The following STK3 variants were observed in gnomAD, a reference collection of about 807,000 sequenced individuals.
The protein encoded by STK3 is serine/threonine-protein kinase 3.
STK3 carries 41 observed loss-of-function variants against 58.0 expected under a neutral mutation model. That is an observed-to-expected ratio of 0.71 (90% CI 0.55 to 0.92). The LOEUF (loss-of-function observed/expected upper bound fraction) is 0.92. STK3 is among the 40% of genes least tolerant of loss of function. The pLI is 0.00. For synonymous variants in STK3, 170 were observed against 191.0 expected (o/e 0.89, Z 0.91); for missense variants, 479 against 602.7 (o/e 0.79, Z 2.15).
chr8:98,940,661 C>T (rs1357938279), intron 1 of STK3, among the ~76,000 whole-genome samples: 1 of 152,216 alleles, frequency 6.6e-6, no homozygotes, highest in African/African-American at 2.4e-5. Flanking sequence ...CTGGGAAACC[C>T]CTCTGCATCT....
chr8:98,532,903 T>C (rs1201825395), intron 9 of STK3, among the ~76,000 whole-genome samples: 1 of 152,174 alleles, frequency 6.6e-6, no homozygotes, highest in African/African-American at 2.4e-5. Context: ...CTTACTACTC[T>C]GGATATGTCA....
At chr8:98,558,117 G>A (rs1811741129) in intron 8 of STK3, among the ~76,000 whole-genome samples, 1 of 151,950 alleles carries the variant, frequency 6.6e-6, no homozygotes, top group African/African-American at 2.4e-5. Context: ...CATGTCAAAG[G>A]ATTGACAAAT....
At chr8:98,808,471 T>C (rs1232466263) in intron 1 of STK3, among the ~76,000 whole-genome samples, 1 of 152,248 alleles carries the variant, frequency 6.6e-6, no homozygotes, top group Non-Finnish European at 1.5e-5. Flanking sequence ...AGGATGTCTC[T>C]TCAGTTTTGA....
chr8:98,909,122 C>T (rs1485018705), intron 1 of STK3, among the ~76,000 whole-genome samples: 1 of 152,146 alleles, frequency 6.6e-6, no homozygotes, highest in Non-Finnish European at 1.5e-5. Context: ...GATCACGCCA[C>T]TGCACTCTAG....
intron 2 of STK3, among the ~76,000 whole-genome samples, chr8:98,376,692 A>G (rs1817678453): frequency 6.6e-6 from 1 of 152,220 alleles, no homozygotes; most frequent in Admixed American, 6.5e-5. Context: ...CTTCCCTCCC[A>G]GTACAAAGAT....
At position 98,614,651 on chromosome 8, in the gene STK3, C is replaced by T. The variant is rs373253575; in HGVS notation, c.685-18482G>A. ...GCGAGGCATTGCCTCACCTGGGAAGCGCAAGGGGTCAGGGAGTTCCCTTTC... is the reference window on the plus strand; with the variant it reads ...GCGAGGCATTGCCTCACCTGGGAAGTGCAAGGGGTCAGGGAGTTCCCTTTC... On this transcript the variant is annotated intron_variant, in intron 6 of 10. Transcript: ENST00000419617. Among the ~76,000 whole-genome samples the T allele has an allele frequency of 6.6e-4, 101 of 152,278 alleles. 2 individuals carry two copies. Among genetic ancestry groups the T allele is most frequent in the Middle Eastern group, 6.8e-3 (2 of 294 alleles).
At chr8:98,362,796 G>T in the STK3 span, among the ~76,000 whole-genome samples, 1 of 152,160 alleles carries the variant, frequency 6.6e-6, no homozygotes, top group Non-Finnish European at 1.5e-5. Flanking sequence ...TGCAGAAGAG[G>T]CCGCTCCCTT....
At chr8:98,480,828 C>T (rs1264172633) in intron 10 of STK3, among the ~76,000 whole-genome samples, 1 of 152,204 alleles carries the variant, frequency 6.6e-6, no homozygotes, top group Admixed American at 6.5e-5. Context: ...TCAGGCTATG[C>T]TCTTGCCTCA....
intron 1 of STK3, among the ~76,000 whole-genome samples, chr8:98,823,129 CAG>C (rs2131742336): frequency 6.6e-6 from 1 of 152,118 alleles, no homozygotes; most frequent in African/African-American, 2.4e-5. Context: ...AGAAAGAAAA[CAG>C]AAAAAATTAA....
chr8:98,612,020 T>C (rs1198513743), intron 6 of STK3, among the ~76,000 whole-genome samples: 1 of 149,742 alleles, frequency 6.7e-6, no homozygotes, highest in Non-Finnish European at 1.5e-5. Context: ...GCTAAATAAA[T>C]AAATACATAT....
At chr8:98,389,076 C>T (rs1324864359), upstream of STK3, among the ~76,000 whole-genome samples, 5 of 152,166 alleles carry the variant, frequency 3.3e-5, no homozygotes, top group African/African-American at 1.2e-4. Flanking sequence ...TGACTGAGCT[C>T]CATGATTCTC....
At chr8:98,656,478 A>T (rs929732168) in intron 6 of STK3, among the ~76,000 whole-genome samples, 14 of 144,176 alleles carry the variant, frequency 9.7e-5, no homozygotes, top group African/African-American at 3.2e-4. Context: ...TAAAACTTAA[A>T]GTATAATAAA....
intron 6 of STK3, among the ~76,000 whole-genome samples, chr8:98,636,309 T>C (rs543383213): frequency 6.6e-6 from 1 of 152,282 alleles, no homozygotes; most frequent in Non-Finnish European, 1.5e-5. Flanking sequence ...AAGCAATTAC[T>C]AGATTGTTCA....
intron 6 of STK3, among the ~76,000 whole-genome samples, chr8:98,609,023 G>A (rs535905707): frequency 1.3e-5 from 2 of 152,208 alleles, no homozygotes; most frequent in East Asian, 1.9e-4. Context: ...ATCGGTCTTC[G>A]AATAATAAAT....
chr8:98,724,953 C>CA (rs751713162), intron 4 of STK3, among the ~76,000 whole-genome samples: 43 of 152,152 alleles, frequency 2.8e-4, no homozygotes, highest in Non-Finnish European at 3.4e-4. Flanking sequence ...TCAGTTCTCC[C>CA]AAAAAATTGT....
At chr8:98,623,434 T>A (rs1818476654) in intron 6 of STK3, among the ~76,000 whole-genome samples, 1 of 152,138 alleles carries the variant, frequency 6.6e-6, no homozygotes, top group African/African-American at 2.4e-5. Flanking sequence ...TCTAATCCAA[T>A]ATGACTTGTG....
At chr8:98,548,304 C>G in intron 8 of STK3, 143 bp from the exon 9 acceptor site, 1 of 584,458 alleles carries the variant, frequency 1.7e-6, no homozygotes, top group East Asian at 3.6e-5. Flanking sequence ...TACATACATA[C>G]AAATGTTATT....
At chr8:98,393,726 G>A (rs1441801827) in intron 3 of STK3, 3 of 151,860 alleles carry the variant, frequency 2.0e-5, no homozygotes, top group African/African-American at 4.8e-5. Context: ...GTAGGCTGGG[G>A]AACCAGAGCT....
intron 1 of STK3, chr8:98,905,345 G>C (rs1460318203): frequency 1.0e-6 from 1 of 966,268 alleles, no homozygotes; most frequent in Non-Finnish European, 1.7e-6. Flanking sequence ...AATCTTTCAC[G>C]ATGTCACATT....
Sources: gnomAD v4.1 joint callset for allele counts (sites outside exome capture counted in the v4.1 genomes callset) on GRCh38, gnomAD v4.1.1 for gene constraint, MANE v1.5 for transcripts, NCBI Gene and HGNC (gene_info 2026-07-23, HGNC 2026-07-21) for gene names.